Variants in PARP8 observed in about 807,000 individuals in gnomAD.
PARP8 encodes protein mono-ADP-ribosyltransferase PARP8.
PARP8 carries 51 observed loss-of-function variants against 124.1 expected under a neutral mutation model. The ratio of observed to expected loss-of-function variants is 0.41; its 90% CI spans 0.33 to 0.52. PARP8 has a LOEUF of 0.52. Among genes scored for constraint, PARP8 ranks in the 20% least tolerant of loss-of-function variants. PARP8 has a pLI of 0.21. For missense variants in PARP8, 860 were observed against 1,018.9 expected, an observed-to-expected ratio of 0.84 and a Z score of 2.12; for synonymous variants, 391 against 361.5, an observed-to-expected ratio of 1.08 and a Z score of -0.93.
At chr5:50,813,024 G>C (rs1217359032) in intron 14 of PARP8, among the ~76,000 whole-genome samples, 1 of 152,144 alleles carries the variant, frequency 6.6e-6, no homozygotes, top group African/African-American at 2.4e-5. Context: ...AAGTCAGGTA[G>C]CATGATGCCT....
At chr5:50,787,456 G>A (rs1741390296) in intron 9 of PARP8, among the ~76,000 whole-genome samples, 1 of 152,062 alleles carries the variant, frequency 6.6e-6, no homozygotes, top group Non-Finnish European at 1.5e-5. Flanking sequence ...TTTCCTGCTT[G>A]TTCTTATCTA....
chr5:50,733,204 G>A (rs1449198301), intron 2 of PARP8, among the ~76,000 whole-genome samples: 2 of 151,606 alleles, frequency 1.3e-5, no homozygotes, highest in Non-Finnish European at 2.9e-5. Context: ...CTCAGCAGGG[G>A]AATTGCTTGA....
At chr5:50,703,087 G>T (rs1753763322) in intron 2 of PARP8, among the ~76,000 whole-genome samples, 1 of 152,094 alleles carries the variant, frequency 6.6e-6, no homozygotes, top group Non-Finnish European at 1.5e-5. Flanking sequence ...CATCACTTGA[G>T]CCCAAGAGCT....
At chr5:50,700,951 A>T (rs1221970487) in intron 2 of PARP8, among the ~76,000 whole-genome samples, 1 of 152,152 alleles carries the variant, frequency 6.6e-6, no homozygotes, top group Admixed American at 6.5e-5. Context: ...AGTACCCAGT[A>T]AAACACTTCT....
intron 11 of PARP8, 126 bp downstream of exon 11, chr5:50,794,458 TGA>T (rs1742300183): frequency 2.0e-6 from 2 of 1,016,654 alleles, no homozygotes; most frequent in Non-Finnish European, 1.4e-6. Flanking sequence ...AAGAAAAGAC[TGA>T]GTTAGATGCA....
Position 50,844,635 on chromosome 5 carries a change from G to A in PARP8, c.*2567G>A, listed in dbSNP as rs1001835632. 2 of 151,706 alleles carry A rather than the reference G, an allele frequency of 1.3e-5. No individual in the cohort carries two copies. Among genetic ancestry groups the A allele is most frequent in the African/African-American group, 4.8e-5 (2 of 41,366 alleles). The allele number at this position is 151,706 out of a possible 1,614,324, so 9.4% of individuals were successfully genotyped here. On this transcript the variant is annotated 3_prime_UTR_variant, in exon 26 of 26. Transcript: ENST00000281631. The stretch of plus-strand genomic sequence containing the variant: ...ATCTGTTCACCAATGCTTTGTAATG[G>A]TTTTATTAATTGTGTAGCCATTGCT...
intron 2 of PARP8, among the ~76,000 whole-genome samples, chr5:50,724,142 A>G (rs1039925557): frequency 1.3e-5 from 2 of 152,118 alleles, no homozygotes; most frequent in African/African-American, 4.8e-5. Flanking sequence ...TGATGTGCCT[A>G]TAAATATTCT....
chr5:50,774,451 C>T (rs115197325), intron 7 of PARP8, among the ~76,000 whole-genome samples: 6,474 of 151,116 alleles, frequency 0.043, 427 homozygotes, highest in African/African-American at 0.15. Flanking sequence ...CCAGCCAAGG[C>T]GGCCGGGCAG....
In PARP8 at chr5:50,814,577, A is replaced by G. The variant is rs138645886; in HGVS notation, c.1576-855A>G. ...TTGTATTTGGACAGGCTTTCTATCT[A>G]TAAAGCCATGCATATGGGCCAATTC... On this transcript the variant is annotated intron_variant, in intron 14 of 25. Transcript: ENST00000281631. Among the ~76,000 whole-genome samples the G allele has an allele frequency of 9.2e-5, 14 of 152,220 alleles. No homozygotes were observed. In the East Asian group the frequency reaches 2.5e-3, roughly 27 times the overall value.
chr5:50,701,170 G>C (rs1422143362), intron 2 of PARP8, among the ~76,000 whole-genome samples: 1 of 152,048 alleles, frequency 6.6e-6, no homozygotes, highest in African/African-American at 2.4e-5. Context: ...GACAGCCTAC[G>C]TTGTTGACTC....
intron 2 of PARP8, chr5:50,668,517 G>C (rs1320386028): frequency 6.1e-6 from 1 of 164,066 alleles, no homozygotes; most frequent in Non-Finnish European, 1.3e-5. Context: ...GATTTTCCTG[G>C]TGAGTTGGGG....
intron 3 of PARP8, among the ~76,000 whole-genome samples, chr5:50,756,573 G>T (rs1759984928): frequency 6.6e-6 from 1 of 152,068 alleles, no homozygotes; most frequent in Non-Finnish European, 1.5e-5. Flanking sequence ...TGTGGCTTAG[G>T]CTAAAGGAGA....
intron 2 of PARP8, among the ~76,000 whole-genome samples, chr5:50,699,417 A>G (rs1189505916): frequency 6.6e-6 from 1 of 152,200 alleles, no homozygotes; most frequent in Non-Finnish European, 1.5e-5. Context: ...ACCATTTTCA[A>G]AGTATTTGTA....
rs75668335 is a variant in PARP8 at position 50,785,804 on chromosome 5, C to A, written c.671-2719C>A. Among the ~76,000 whole-genome samples the A allele has an allele frequency of 9.1e-3, 1,388 of 152,248 alleles. 29 individuals carry two copies. The highest frequency in any genetic ancestry group is 0.032 in the African/African-American group (1,323 of 41,530). Reference sequence around the variant, plus strand: ...ATACCATTTGGCTTACAATATAGAGCATGTGTGATCTGAGAAGGTCCTATG... The same window carrying A: ...ATACCATTTGGCTTACAATATAGAGAATGTGTGATCTGAGAAGGTCCTATG... On this transcript the variant is annotated intron_variant, in intron 9 of 25. Transcript: ENST00000281631.
chr5:50,739,723 TA>T (rs1241098348), intron 2 of PARP8, among the ~76,000 whole-genome samples: 7 of 106,008 alleles, frequency 6.6e-5, no homozygotes, highest in Admixed American at 2.8e-4. Context: ...TATATATATA[TA>T]TATATATATT....
At chr5:50,824,470 G>A (rs935341821) in intron 17 of PARP8, among the ~76,000 whole-genome samples, 3 of 152,096 alleles carry the variant, frequency 2.0e-5, no homozygotes, top group African/African-American at 7.2e-5. Context: ...AAAGAAGATG[G>A]GACTAGAGGA....
chr5:50,682,850 A>G lies in PARP8; in HGVS notation c.146+14725A>G, dbSNP rs185552564. On this transcript the variant is annotated intron_variant, in intron 2 of 25. Coordinates refer to ENST00000281631, the MANE Select transcript of PARP8 (RefSeq NM_024615.4). ...TCACAGGTTAGTAAACAGTTTTTCT[A>G]TGATCTCTTATATACAAGTGTGATT... 8.4e-4 allele frequency among the ~76,000 whole-genome samples: 128 copies of G among 152,264 alleles called. 1 individual carries two copies. The highest frequency in any genetic ancestry group is 2.1e-4 in the Non-Finnish European group (14 of 68,012).
At chr5:50,721,868 T>C (rs1310420101) in intron 2 of PARP8, among the ~76,000 whole-genome samples, 1 of 152,122 alleles carries the variant, frequency 6.6e-6, no homozygotes, top group Non-Finnish European at 1.5e-5. Flanking sequence ...GCAATTCTGA[T>C]TTTTTTCTGT....
At chr5:50,832,557 A>G (rs1747099870) in intron 22 of PARP8, among the ~76,000 whole-genome samples, 1 of 151,990 alleles carries the variant, frequency 6.6e-6, no homozygotes, top group South Asian at 2.1e-4. Flanking sequence ...TATGCAGAAG[A>G]ATTTTCGATC....
Sources: allele counts gnomAD v4.1 joint callset (sites outside exome capture counted in the v4.1 genomes callset), GRCh38; gene constraint gnomAD v4.1.1; transcripts MANE v1.5; gene names NCBI Gene and HGNC (gene_info 2026-07-23, HGNC 2026-07-21).